The following CCDC82 variants were observed in gnomAD, a reference collection of about 807,000 sequenced individuals.
CCDC82 encodes the protein coiled-coil domain containing 82, also known as coiled-coil domain-containing protein 82.
Under a neutral mutation model 60.6 loss-of-function variants are expected in CCDC82, and 47 were observed. The ratio of observed to expected loss-of-function variants is 0.77; its 90% confidence interval spans 0.61 to 0.99. The LOEUF is 0.99. Ranked by LOEUF, CCDC82 falls within the 50% of genes least tolerant of loss-of-function variation. CCDC82 has a pLI of 0.00. For synonymous variants in CCDC82, 212 were observed against 207.4 expected (o/e 1.02, Z -0.19); for missense variants, 588 against 633.0 (o/e 0.93, Z 0.76).
intron 9 of CCDC82, chr11:96,355,216 A>G (rs1165713760): frequency 6.6e-6 from 1 of 152,066 alleles, no homozygotes; most frequent in Non-Finnish European, 1.5e-5. Flanking sequence ...TTCTTTTGGA[A>G]AATTAAAAAT....
chr11:96,375,648 G>C (rs1175688406), intron 5 of CCDC82, among the ~76,000 whole-genome samples: 1 of 152,088 alleles, frequency 6.6e-6, no homozygotes. Context: ...AATATAGAGA[G>C]GATGAAAAAC....
chr11:96,358,483 C>T, intron 9 of CCDC82: 1 of 1,231,178 alleles, frequency 8.1e-7, no homozygotes, highest in Non-Finnish European at 1.0e-6. Context: ...GCATTCCCCT[C>T]GATCTTCAGT....
intron 5 of CCDC82, chr11:96,381,373 C>A (rs1865870995): frequency 1.3e-5 from 2 of 151,584 alleles, no homozygotes; most frequent in Non-Finnish European, 3.0e-5. Context: ...TCTATAACTG[C>A]CAAATTTCTT....
chr11:96,380,079 A>G (rs1443780833), intron 5 of CCDC82, among the ~76,000 whole-genome samples: 2 of 151,816 alleles, frequency 1.3e-5, no homozygotes, highest in African/African-American at 2.4e-5. Context: ...GTACATGACA[A>G]TACCTGGTTA....
At position 96,384,533 on chromosome 11, in the gene CCDC82, C is replaced by G. The variant is rs774861008; in HGVS notation, c.215G>C (p.Gly72Ala). 73 of 1,613,498 alleles carry G rather than the reference C, an allele frequency of 4.5e-5. No homozygotes were observed. Among genetic ancestry groups the G allele is most frequent in the Non-Finnish European group, 6.1e-5 (72 of 1,179,724 alleles). Residue 72 changes from glycine to alanine, a missense_variant, in exon 4 of 10, where the codon GGA (glycine) becomes GCA (alanine). Coordinates refer to ENST00000646818, the MANE Select transcript of CCDC82 (RefSeq NM_024725.4). ...TCCTGGTGTTTTATTACAATCAGGT[C>G]CCTTGTTACTATCAAGCTCTTCATC... ...ENDEELDSNKGPDCNKTPGSE... is the reference protein window; with the variant it reads ...ENDEELDSNKAPDCNKTPGSE...
intron 3 of CCDC82, 65 bp from the exon 4 acceptor site, chr11:96,384,826 G>C: frequency 1.0e-6 from 1 of 968,866 alleles, no homozygotes; most frequent in Non-Finnish European, 1.5e-6. Flanking sequence ...ATGCATTTAT[G>C]GTATAAATTA....
chr11:96,381,018 TTAA>T (rs1865851876), intron 5 of CCDC82: 1 of 151,198 alleles, frequency 6.6e-6, no homozygotes, highest in African/African-American at 2.4e-5. Context: ...ATAAAAGAGG[TTAA>T]TAATAGGGGA....
intron 5 of CCDC82, among the ~76,000 whole-genome samples, chr11:96,379,745 T>C (rs925507203): frequency 6.6e-6 from 1 of 151,856 alleles, no homozygotes; most frequent in Non-Finnish European, 1.5e-5. Flanking sequence ...GTTTTGTTCC[T>C]ATTGAGCCTG....
chr11:96,371,536 C>T (rs192494153), intron 6 of CCDC82, among the ~76,000 whole-genome samples: 19 of 152,312 alleles, frequency 1.2e-4, no homozygotes, highest in East Asian at 5.8e-4. Flanking sequence ...GAGCTGAGAT[C>T]GCACCACTGT....
intron 8 of CCDC82, among the ~76,000 whole-genome samples, chr11:96,360,861 GA>G (rs1224323216): frequency 9.2e-5 from 14 of 152,184 alleles, no homozygotes; most frequent in African/African-American, 3.4e-4. Flanking sequence ...GTTTTCTTGT[GA>G]AAACTGTATT....
At chr11:96,375,532 T>C (rs559065844) in intron 5 of CCDC82, among the ~76,000 whole-genome samples, 4 of 152,320 alleles carry the variant, frequency 2.6e-5, no homozygotes, top group Middle Eastern at 6.8e-3. Flanking sequence ...GAGCAAAATA[T>C]ATGCCAGGCA....
intron 9 of CCDC82, chr11:96,354,813 T>C (rs923485226): frequency 6.6e-6 from 1 of 152,226 alleles, no homozygotes; most frequent in Admixed American, 6.5e-5. Flanking sequence ...AGGGGATTAA[T>C]GACATACTAG....
chr11:96,371,571 G>A (rs1002905360), intron 6 of CCDC82, among the ~76,000 whole-genome samples: 7 of 152,222 alleles, frequency 4.6e-5, no homozygotes, highest in Admixed American at 1.3e-4. Flanking sequence ...GATAGAGTGA[G>A]ACTCCGTCTC....
At chr11:96,381,150 T>C (rs1304268573) in intron 5 of CCDC82, 8 of 151,722 alleles carry the variant, frequency 5.3e-5, no homozygotes, top group Non-Finnish European at 1.5e-5. Flanking sequence ...AGTTCCCATA[T>C]GCTAGCCTTT....
rs546996095 is a variant in CCDC82, at chr11:96,380,311, T to C, written c.991+2958A>G. On this transcript the variant is annotated intron_variant, in intron 5 of 9. Transcript: ENST00000646818. ...TTACAAGTTGAGGAAAAAGAGTTTG[T>C]AGGGATAAAATCATTGAAAATAAAG... 2.6e-5 allele frequency among the ~76,000 whole-genome samples: 4 copies of C among 151,788 alleles called. No homozygotes were observed. In the South Asian group the frequency reaches 6.2e-4, roughly 24 times the overall value.
At chr11:96,355,182 A>G (rs531534102) in intron 9 of CCDC82, 3 of 152,252 alleles carry the variant, frequency 2.0e-5, no homozygotes, top group East Asian at 3.9e-4. Flanking sequence ...ACCTTTCCTC[A>G]TATTCCTTTA....
chr11:96,385,519 G>C (rs1451435590), intron 3 of CCDC82: 1 of 152,262 alleles, frequency 6.6e-6, no homozygotes, highest in African/African-American at 2.4e-5. Flanking sequence ...AGACAGCAGT[G>C]AAAAATTGAG....
chr11:96,388,251 A>G (rs1208923713), intron 1 of CCDC82: 1 of 152,232 alleles, frequency 6.6e-6, no homozygotes, highest in African/African-American at 2.4e-5. Flanking sequence ...TTTGATGGGT[A>G]AGATACCTCT....
chr11:96,360,431 G>A (rs887835273), intron 8 of CCDC82, among the ~76,000 whole-genome samples: 4 of 151,132 alleles, frequency 2.6e-5, no homozygotes, highest in Non-Finnish European at 2.9e-5. Flanking sequence ...TCCTGACCTC[G>A]TGATCTGCCC....
Sources: gnomAD v4.1 joint callset for allele counts (sites outside exome capture counted in the v4.1 genomes callset) on GRCh38, gnomAD v4.1.1 for gene constraint, MANE v1.5 for transcripts, NCBI Gene and HGNC (gene_info 2026-07-23, HGNC 2026-07-21) for gene names.